IL1R1: variants seen among roughly 807,000 people sequenced by gnomAD.
The protein encoded by IL1R1 is interleukin-1 receptor type 1.
A neutral mutation model predicts 50.2 loss-of-function variants in IL1R1; 22 were observed. The ratio of observed to expected loss-of-function variants is 0.44; its 90% CI spans 0.31 to 0.63. The LOEUF (loss-of-function observed/expected upper bound fraction) is 0.63, where lower values mean the gene tolerates loss of function less well. Among genes scored for constraint, IL1R1 ranks in the 20% least tolerant of loss-of-function variants. The probability of loss-of-function intolerance (pLI) is 0.07; values close to 1 mark genes in which losing one functional copy is unlikely to be tolerated. For missense variants in IL1R1, 509 were observed against 676.2 expected (o/e 0.75, Z 2.74); for synonymous variants, 251 against 236.7 (o/e 1.06, Z -0.55).
chr2:102,163,161 A>G (rs1277267666), intron 3 of IL1R1, among the ~76,000 whole-genome samples: 3 of 152,162 alleles, frequency 2.0e-5, no homozygotes, highest in East Asian at 1.9e-4. Context: ...CTCCCGGGCT[A>G]CATAGAAGAT....
rs1233273110 is a variant in IL1R1, at chr2:102,165,241, G to C, written c.423G>C (p.Val141=). Residue 141 remains valine, a synonymous_variant, in exon 5 of 12, where the codon GTG becomes GTC. Transcript: ENST00000410023. ...KLPVAGDGGL[V]CPYMEFFKNE... ...CCGTTGCAGGAGACGGAGGACTTGT[G>C]TGCCCTTATATGGAGTTTTTTAAAA... 6.2e-7 allele frequency: 1 copy of C among 1,606,906 alleles called. No homozygotes were observed. The highest frequency in any genetic ancestry group is 1.7e-5 in the Admixed American group (1 of 58,202).
intron 1 of IL1R1, among the ~76,000 whole-genome samples, chr2:102,121,828 C>T (rs779572229): frequency 9.9e-5 from 15 of 152,070 alleles, no homozygotes; most frequent in East Asian, 1.9e-4. Flanking sequence ...TTACAGCTAA[C>T]GATATTTTTG....
At chr2:102,145,555 C>G (rs540585045) in intron 1 of IL1R1, among the ~76,000 whole-genome samples, 1 of 152,180 alleles carries the variant, frequency 6.6e-6, no homozygotes, top group African/African-American at 2.4e-5. Context: ...TATCACTTCC[C>G]AAGAGGACTC....
chr2:102,110,995 C>G (rs964192765), intron 1 of IL1R1, among the ~76,000 whole-genome samples: 2 of 152,010 alleles, frequency 1.3e-5, no homozygotes, highest in African/African-American at 4.8e-5. Flanking sequence ...GCCAGCCAGA[C>G]AGAGGGCAGA....
Position 102,096,538 on chromosome 2 carries a change from T to C in IL1R1, c.-84+26005T>C, listed in dbSNP as rs1655944855. The stretch of plus-strand genomic sequence containing the variant: ...CTATTCTGTAAAATGCCTGTTTTTG[T>C]CTTTTTTTGCCTATTTAATATTTTT... On this transcript the variant is annotated intron_variant, in intron 1 of 11. Coordinates refer to the IL1R1 transcript ENST00000409929. 2.0e-5 allele frequency among the ~76,000 whole-genome samples: 3 copies of C among 152,028 alleles called. No homozygotes were observed. In the South Asian group the frequency reaches 6.3e-4, roughly 32 times the overall value.
chr2:102,141,263 G>T (rs1682629172), upstream of IL1R1, among the ~76,000 whole-genome samples: 1 of 152,196 alleles, frequency 6.6e-6, no homozygotes, highest in Non-Finnish European at 1.5e-5. Context: ...AATTACCTGG[G>T]AGCTTTAAAA....
chr2:102,142,785 G>A lies in IL1R1; in HGVS notation c.-319G>A, dbSNP rs1461129324. The A allele has an allele frequency of 1.3e-5, 2 of 148,414 alleles. No homozygotes were observed. Among genetic ancestry groups the A allele is most frequent in the Non-Finnish European group, 3.0e-5 (2 of 66,802 alleles). 9.2% of individuals were successfully genotyped at this position (148,414 alleles called of 1,614,324 possible). ...AGGGCGGGCGCAGCTTGTGGCCGGC[G>A]GCCGGAGCCGACTCGGAGCGCGCGG... On this transcript the variant is annotated 5_prime_UTR_variant, in exon 1 of 12. Coordinates refer to ENST00000410023, the MANE Select transcript of IL1R1 (RefSeq NM_000877.4).
rs1157969121 is a variant in IL1R1, at chr2:102,092,824, A to ACCC, written c.-84+22291_-84+22292insCCC. 2.0e-5 allele frequency among the ~76,000 whole-genome samples: 3 copies of ACCC among 152,070 alleles called. No homozygotes were observed. In the East Asian group the frequency reaches 5.8e-4, roughly 29 times the overall value. ...AAAGGAAGATGCTTTTCCGCTCTCT[A>ACCC]GTTCCATGACTATGATTTTTTTTTT... is the stretch of plus-strand genomic sequence containing the variant. On this transcript the variant is annotated intron_variant, in intron 1 of 11. Coordinates refer to the IL1R1 transcript ENST00000409929.
intron 1 of IL1R1, among the ~76,000 whole-genome samples, chr2:102,144,463 G>A (rs998938216): frequency 6.7e-6 from 1 of 149,190 alleles, no homozygotes; most frequent in Admixed American, 6.7e-5. Flanking sequence ...GTGACATCAA[G>A]TTTTTTTTTT....
At chr2:102,158,518 T>A (rs1254814781) in intron 3 of IL1R1, among the ~76,000 whole-genome samples, 1 of 152,114 alleles carries the variant, frequency 6.6e-6, no homozygotes, top group Non-Finnish European at 1.5e-5. Flanking sequence ...TATTTGGATA[T>A]CAGATTGGGG....
intron 1 of IL1R1, among the ~76,000 whole-genome samples, chr2:102,119,666 T>C (rs1174188622): frequency 6.6e-6 from 1 of 152,194 alleles, no homozygotes; most frequent in Non-Finnish European, 1.5e-5. Context: ...TTTATTGAGG[T>C]ACAACTGACA....
rs60587758 is a variant in IL1R1, at chr2:102,127,657, C to CTGTGTGTGTG, written c.-84+22815_-84+22824dup. 8.4e-4 allele frequency among the ~76,000 whole-genome samples: 122 copies of CTGTGTGTGTG among 144,952 alleles called. 2 individuals carry two copies. The highest frequency in any genetic ancestry group is 8.9e-4 in the South Asian group (4 of 4,496). ...GTAAGACAGAGATGTGTGTGTGTGACTGTGTGTGTGTGTGTGTGTGTGTGT... is the reference window on the plus strand; with the variant it reads ...GTAAGACAGAGATGTGTGTGTGTGACTGTGTGTGTGTGTGTGTGTGTGTGTGTGTGTGTGT... On this transcript the variant is annotated intron_variant, in intron 1 of 10. Coordinates refer to the IL1R1 transcript ENST00000409329.
chr2:102,097,724 T>C (rs1262097458), intron 1 of IL1R1, among the ~76,000 whole-genome samples: 1 of 152,042 alleles, frequency 6.6e-6, no homozygotes, highest in Non-Finnish European at 1.5e-5. Flanking sequence ...TCATATAATA[T>C]TAAATATTTG....
At chr2:102,148,387 A>G (rs554083979) in intron 1 of IL1R1, among the ~76,000 whole-genome samples, 1 of 152,254 alleles carries the variant, frequency 6.6e-6, no homozygotes, top group East Asian at 1.9e-4. Flanking sequence ...AGAATTGCAT[A>G]GAGATTATTA....
intron 3 of IL1R1, among the ~76,000 whole-genome samples, chr2:102,163,034 A>G (rs1684866871): frequency 6.6e-6 from 1 of 152,128 alleles, no homozygotes; most frequent in Non-Finnish European, 1.5e-5. Context: ...AATTCTAGGT[A>G]GACTTTTTCT....
chr2:102,113,356 T>C (rs2104372882), intron 1 of IL1R1, among the ~76,000 whole-genome samples: 1 of 152,362 alleles, frequency 6.6e-6, no homozygotes, highest in Admixed American at 6.5e-5. Context: ...AAGTTATCCA[T>C]CTTTTCTCCG....
intron 1 of IL1R1, among the ~76,000 whole-genome samples, chr2:102,106,369 A>C (rs533043876): frequency 6.6e-6 from 1 of 152,182 alleles, no homozygotes; most frequent in Non-Finnish European, 1.5e-5. Context: ...CTTGAGATGA[A>C]TTTGATCTGC....
rs200987401 is a variant in IL1R1, at chr2:102,177,829, A to G, written c.*1070A>G. 4 of 152,474 alleles carry G rather than the reference A, an allele frequency of 2.6e-5. No individual in the cohort carries two copies. Among genetic ancestry groups the G allele is most frequent in the South Asian group, 2.1e-4 (1 of 4,822 alleles). The allele number at this position is 152,474 out of a possible 1,614,324, so 9.4% of individuals were successfully genotyped here. A position where few individuals can be genotyped will look rare whatever the true frequency, so the allele number is the denominator to read the frequency against. ...TCCCTAGTGGCTTCCTCCGTCTGCA[A>G]TGTCCCTTGCACAGCCCACACATGA... On this transcript the variant is annotated 3_prime_UTR_variant, in exon 12 of 12. Coordinates refer to ENST00000410023, the MANE Select transcript of IL1R1 (RefSeq NM_000877.4).
intron 1 of IL1R1, among the ~76,000 whole-genome samples, chr2:102,111,112 G>T (rs950471201): frequency 2.0e-5 from 3 of 152,190 alleles, no homozygotes; most frequent in Non-Finnish European, 4.4e-5. Context: ...AGAGGCAGAG[G>T]CCAGAGCATG....
Sources: gnomAD v4.1 joint callset for allele counts (sites outside exome capture counted in the v4.1 genomes callset) on GRCh38, gnomAD v4.1.1 for gene constraint, MANE v1.5 for transcripts, NCBI Gene and HGNC (gene_info 2026-07-23, HGNC 2026-07-21) for gene names.